Variants in PTCHD4 observed in about 807,000 individuals in gnomAD.
PTCHD4 encodes patched domain containing 4.
A neutral mutation model predicts 58.1 loss-of-function variants in PTCHD4; 33 were observed. The observed-to-expected ratio is 0.57, with a 90% CI of 0.43 to 0.76. The LOEUF (loss-of-function observed/expected upper bound fraction) is 0.76. Ranked by LOEUF, PTCHD4 falls within the 30% of genes least tolerant of loss-of-function variation. PTCHD4 has a pLI of 0.00. For synonymous variants in PTCHD4, 478 were observed against 409.6 expected (o/e 1.17, Z -2.02); for missense variants, 1,058 against 1,027.1 (o/e 1.03, Z -0.41).
Position 47,858,541 on chromosome 6 carries a change from A to C in PTCHD4, c.*19762T>G, listed in dbSNP as rs1429580321. Among the ~76,000 whole-genome samples, 2 of 152,040 alleles carry C rather than the reference A, an allele frequency of 1.3e-5. No individual in the cohort carries two copies. The highest frequency in any genetic ancestry group is 4.8e-5 in the African/African-American group (2 of 41,440). On this transcript the variant is annotated 3_prime_UTR_variant, in exon 5 of 5. Coordinates refer to ENST00000339488, the MANE Select transcript of PTCHD4 (RefSeq NM_001384253.1). ...TGAAACCTATGTGGTATAATTAATAAAGCATTTTTTACCACAGATAATGGA... is the reference window on the plus strand; with the variant it reads ...TGAAACCTATGTGGTATAATTAATACAGCATTTTTTACCACAGATAATGGA...
chr6:48,066,927 T>A (rs570937642), intron 3 of PTCHD4, among the ~76,000 whole-genome samples: 8 of 152,280 alleles, frequency 5.3e-5, no homozygotes, highest in East Asian at 3.9e-4. Context: ...TTTTTTTTTT[T>A]AATGTATAGA....
At chr6:48,095,749 A>C (rs1232973487) in intron 1 of PTCHD4, among the ~76,000 whole-genome samples, 1 of 149,632 alleles carries the variant, frequency 6.7e-6, no homozygotes. Context: ...AAAAAAAAAC[A>C]AATATAACTG....
At chr6:47,981,626 C>T (rs1248036559) in intron 4 of PTCHD4, among the ~76,000 whole-genome samples, 1 of 152,168 alleles carries the variant, frequency 6.6e-6, no homozygotes, top group Non-Finnish European at 1.5e-5. Context: ...TAGTGCCTCT[C>T]TTTACTAAAT....
chr6:47,938,568 A>G (rs1027098954), intron 4 of PTCHD4, among the ~76,000 whole-genome samples: 1 of 152,214 alleles, frequency 6.6e-6, no homozygotes, highest in African/African-American at 2.4e-5. Context: ...GAGAACTGCA[A>G]CATAGTACTA....
intron 4 of PTCHD4, among the ~76,000 whole-genome samples, chr6:47,967,446 T>G (rs1767335772): frequency 6.6e-6 from 1 of 152,196 alleles, no homozygotes; most frequent in Non-Finnish European, 1.5e-5. Flanking sequence ...CAATGAGCAT[T>G]GGCTTCAATT....
chr6:47,941,879 A>C (rs1461580904), intron 4 of PTCHD4, among the ~76,000 whole-genome samples: 1 of 152,214 alleles, frequency 6.6e-6, no homozygotes, highest in Non-Finnish European at 1.5e-5. Flanking sequence ...TTTCCTTAAA[A>C]GTGGTCTCTT....
intron 4 of PTCHD4, among the ~76,000 whole-genome samples, chr6:47,979,537 T>C (rs2114006422): frequency 6.6e-6 from 1 of 151,854 alleles, no homozygotes; most frequent in East Asian, 1.9e-4. Flanking sequence ...TCTTTCAGCT[T>C]TTTTGGTTAT....
At chr6:47,973,468 C>A (rs1767587291) in intron 4 of PTCHD4, among the ~76,000 whole-genome samples, 1 of 152,174 alleles carries the variant, frequency 6.6e-6, no homozygotes, top group Admixed American at 6.5e-5. Flanking sequence ...ATAATCAAGG[C>A]ACTGTTGAAA....
chr6:47,936,780 A>G (rs1043068758), intron 4 of PTCHD4, among the ~76,000 whole-genome samples: 1 of 152,206 alleles, frequency 6.6e-6, no homozygotes, highest in African/African-American at 2.4e-5. Flanking sequence ...AAAAAGGATA[A>G]GAAATAATAT....
At chr6:48,044,193 AG>A (rs1763952601) in intron 3 of PTCHD4, among the ~76,000 whole-genome samples, 1 of 151,850 alleles carries the variant, frequency 6.6e-6, no homozygotes, top group African/African-American at 2.4e-5. Flanking sequence ...TGCATGAAAG[AG>A]GAAGAATCTG....
At chr6:48,095,732 C>CAAAAAAA (rs112185985) in intron 1 of PTCHD4, among the ~76,000 whole-genome samples, 6 of 124,968 alleles carry the variant, frequency 4.8e-5, no homozygotes, top group Non-Finnish European at 6.8e-5. Context: ...CAAAAGGAAC[C>CAAAAAAA]AAAAAAAAAA....
At chr6:48,085,845 C>T (rs187652182) in intron 1 of PTCHD4, among the ~76,000 whole-genome samples, 110 of 152,106 alleles carry the variant, frequency 7.2e-4, no homozygotes, top group African/African-American at 2.1e-3. Flanking sequence ...GGATGTGATG[C>T]GTGCTTAGTC....
chr6:47,907,985 C>T (rs1057157590), intron 4 of PTCHD4, among the ~76,000 whole-genome samples: 1 of 152,122 alleles, frequency 6.6e-6, no homozygotes, highest in Admixed American at 6.6e-5. Context: ...TTTATATGGG[C>T]AAACGCTTAG....
chr6:47,928,136 T>C (rs921783063), intron 4 of PTCHD4, among the ~76,000 whole-genome samples: 5 of 152,214 alleles, frequency 3.3e-5, no homozygotes, highest in East Asian at 1.9e-4. Context: ...TTCTGGACTA[T>C]TGCTTTTTCC....
chr6:47,922,452 A>G (rs1179359958), intron 4 of PTCHD4, among the ~76,000 whole-genome samples: 1 of 152,150 alleles, frequency 6.6e-6, no homozygotes, highest in Non-Finnish European at 1.5e-5. Context: ...TGCCGGCCCA[A>G]CTGGCTCCTT....
At chr6:47,990,715 G>A (rs544680767) in intron 4 of PTCHD4, among the ~76,000 whole-genome samples, 3 of 152,220 alleles carry the variant, frequency 2.0e-5, no homozygotes, top group Admixed American at 1.3e-4. Flanking sequence ...TCAGCAGTAT[G>A]AAAATGGACT....
chr6:48,040,118 G>T (rs763022464), intron 3 of PTCHD4, among the ~76,000 whole-genome samples: 2 of 151,986 alleles, frequency 1.3e-5, no homozygotes, highest in Admixed American at 1.3e-4. Flanking sequence ...ACTTTATGAC[G>T]CTATGATTCT....
At chr6:48,086,763 G>C (rs1338675759) in intron 1 of PTCHD4, among the ~76,000 whole-genome samples, 2 of 152,084 alleles carry the variant, frequency 1.3e-5, no homozygotes, top group Non-Finnish European at 2.9e-5. Flanking sequence ...GTGAGTATGT[G>C]TATCAAGGAA....
Position 47,857,427 on chromosome 6 carries a change from C to T in PTCHD4, c.*20876G>A, listed in dbSNP as rs80234434. Among the ~76,000 whole-genome samples the T allele has an allele frequency of 1.1e-4, 17 of 152,016 alleles. No individual in the cohort carries two copies. The highest frequency in any genetic ancestry group is 3.9e-4 in the African/African-American group (16 of 41,414). ...TTAAAACTTCTGCACTGCAGCAAGACGGTATCACACTGACTTCCTGATCAT... is the reference window on the plus strand; with the variant it reads ...TTAAAACTTCTGCACTGCAGCAAGATGGTATCACACTGACTTCCTGATCAT... On this transcript the variant is annotated 3_prime_UTR_variant, in exon 5 of 5. Transcript: ENST00000339488.
Sources: allele counts gnomAD v4.1 joint callset (sites outside exome capture counted in the v4.1 genomes callset), GRCh38; gene constraint gnomAD v4.1.1; transcripts MANE v1.5; gene names NCBI Gene and HGNC (gene_info 2026-07-23, HGNC 2026-07-21).